ABCD3: variants seen among roughly 807,000 people sequenced by gnomAD.
ABCD3 encodes ATP binding cassette subfamily D member 3, also known as ATP-binding cassette sub-family D member 3.
Under a neutral mutation model 105.5 loss-of-function variants are expected in ABCD3, and 41 were observed. The observed-to-expected ratio is 0.39, with a 90% CI of 0.30 to 0.50. The LOEUF (loss-of-function observed/expected upper bound fraction) is 0.50, where lower values mean the gene tolerates loss of function less well. ABCD3 is among the 20% of genes least tolerant of loss of function. The pLI, the probability that ABCD3 is intolerant of heterozygous loss-of-function variation, is 0.84. For synonymous variants in ABCD3, 258 were observed against 269.0 expected (o/e 0.96, Z 0.40); for missense variants, 622 against 806.3 (o/e 0.77, Z 2.77).
At chr1:94,480,633 C>T in intron 9 of ABCD3, 27 bp downstream of exon 9, 1 of 1,612,346 alleles carries the variant, frequency 6.2e-7, no homozygotes, top group Non-Finnish European at 8.5e-7. Flanking sequence ...TAAAGCCTTG[C>T]TAAAAATTAA....
chr1:94,513,010 T>C (rs966789665), intron 21 of ABCD3, among the ~76,000 whole-genome samples: 3 of 152,076 alleles, frequency 2.0e-5, no homozygotes, highest in African/African-American at 7.2e-5. Context: ...TTTCAAGCCC[T>C]GCTAAATCAG....
intron 16 of ABCD3, among the ~76,000 whole-genome samples, chr1:94,496,900 T>C (rs1649842566): frequency 6.6e-6 from 1 of 151,776 alleles, no homozygotes; most frequent in South Asian, 2.1e-4. Flanking sequence ...CCTGAGTAGC[T>C]GGGATTACAG....
At chr1:94,488,198 A>T (rs577433204) in intron 13 of ABCD3, among the ~76,000 whole-genome samples, 3 of 152,244 alleles carry the variant, frequency 2.0e-5, no homozygotes, top group Admixed American at 6.5e-5. Flanking sequence ...AGAGGCTGTC[A>T]AGTTGTTTGC....
chr1:94,490,771 T>A (rs545363521), intron 15 of ABCD3, among the ~76,000 whole-genome samples: 1 of 152,244 alleles, frequency 6.6e-6, no homozygotes, highest in Non-Finnish European at 1.5e-5. Context: ...TTATTTCCTT[T>A]GGAAATGTTC....
intron 21 of ABCD3, among the ~76,000 whole-genome samples, chr1:94,513,264 A>C (rs1263631562): frequency 2.0e-5 from 3 of 152,082 alleles, no homozygotes; most frequent in Non-Finnish European, 4.4e-5. Flanking sequence ...TGTACATAAA[A>C]CCATGTAGTC....
At chr1:94,516,221 T>G (rs1650913624) in intron 22 of ABCD3, among the ~76,000 whole-genome samples, 1 of 151,966 alleles carries the variant, frequency 6.6e-6, no homozygotes, top group East Asian at 1.9e-4. Flanking sequence ...ATGAAGTTAT[T>G]GAGCCTTACC....
the ABCD3 span, among the ~76,000 whole-genome samples, chr1:94,402,839 C>G: frequency 6.6e-6 from 1 of 151,652 alleles, no homozygotes; most frequent in South Asian, 2.1e-4. Context: ...TTTTAGGGTA[C>G]ATGTGCACAT....
At chr1:94,490,642 C>T (rs946145604) in intron 15 of ABCD3, among the ~76,000 whole-genome samples, 12 of 151,898 alleles carry the variant, frequency 7.9e-5, no homozygotes, top group African/African-American at 2.9e-4. Context: ...ACACTGTACA[C>T]ACTATATTTT....
intron 10 of ABCD3, among the ~76,000 whole-genome samples, chr1:94,484,079 A>G (rs1034023965): frequency 6.6e-6 from 1 of 152,216 alleles, no homozygotes; most frequent in Non-Finnish European, 1.5e-5. Flanking sequence ...GCAAATCAAA[A>G]CCACAGTGAG....
chr1:94,517,220 G>GTT lies in ABCD3; in HGVS notation c.*98_*99dup. 2.2e-6 allele frequency: 2 copies of GTT among 905,800 alleles called. No individual in the cohort carries two copies. The highest frequency in any genetic ancestry group is 3.5e-6 in the Non-Finnish European group (2 of 576,356). The allele number at this position is 905,800 out of a possible 1,614,324, so 56.1% of individuals were successfully genotyped here. On this transcript the variant is annotated 3_prime_UTR_variant, in exon 23 of 23. Transcript: ENST00000370214. ...ACATTGTAAAATAAAGTTGAGCTTA[G>GTT]TTTTTTTTAAAAAAAAAAACAAAGC...
At chr1:94,456,898 G>A (rs1250047773) in intron 1 of ABCD3, among the ~76,000 whole-genome samples, 3 of 151,948 alleles carry the variant, frequency 2.0e-5, no homozygotes, top group Admixed American at 6.6e-5. Flanking sequence ...TTTTCTCCAC[G>A]TCCTTGCCAA....
At chr1:94,405,929 T>G in the ABCD3 span, among the ~76,000 whole-genome samples, 1 of 151,890 alleles carries the variant, frequency 6.6e-6, no homozygotes, top group Non-Finnish European at 1.5e-5. Context: ...GTTTAGAAAT[T>G]TTTAAAAATT....
At chr1:94,516,931 T>G in intron 22 of ABCD3, 121 bp from the exon 23 acceptor site, 1 of 767,742 alleles carries the variant, frequency 1.3e-6, no homozygotes, top group South Asian at 1.4e-5. Context: ...TTCTGATTTG[T>G]GGGATGCTTA....
the ABCD3 span, among the ~76,000 whole-genome samples, chr1:94,391,092 A>G: frequency 2.0e-5 from 3 of 152,204 alleles, no homozygotes; most frequent in Non-Finnish European, 4.4e-5. Flanking sequence ...TCCTTGCAGT[A>G]GTATTGCAAA....
At chr1:94,515,536 G>A (rs181472923) in intron 22 of ABCD3, among the ~76,000 whole-genome samples, 137 of 152,042 alleles carry the variant, frequency 9.0e-4, no homozygotes, top group African/African-American at 3.2e-3. Context: ...AGAAGAATTA[G>A]ATGGCAAAAA....
At chr1:94,440,949 A>G (rs771715898) in intron 1 of ABCD3, among the ~76,000 whole-genome samples, 4 of 152,244 alleles carry the variant, frequency 2.6e-5, no homozygotes, top group South Asian at 2.1e-4. Context: ...GCCATTGGAA[A>G]TGCGATAAAA....
At position 94,517,002 on chromosome 1, in the gene ABCD3, A is replaced by G. The variant is rs374970598; in HGVS notation, c.1903-50A>G. ...TATTTTACTTTTCATAAAAGACAGT[A>G]CTATATTCACTCTTAGTTACTGACT... On this transcript the variant is annotated intron_variant, in intron 22 of 22. Transcript: ENST00000370214. 76 of 1,212,306 alleles carry G rather than the reference A, an allele frequency of 6.3e-5. No individual in the cohort carries two copies. In the African/African-American group the frequency reaches 9.4e-4, roughly 15 times the overall value. The allele number at this position is 1,212,306 out of a possible 1,614,324, so 75.1% of individuals were successfully genotyped here.
In ABCD3 at chr1:94,464,778, G is replaced by C. The variant is rs763850381; in HGVS notation, c.151G>C (p.Glu51Gln). Reference sequence around the variant, plus strand: ...GGGCTTCTTTTTTTTAATGCAGAAAGAGGGGAAAAAGGAGCGAGCTGTGGT... The same window carrying C: ...GGGCTTCTTTTTTTTAATGCAGAAACAGGGGAAAAAGGAGCGAGCTGTGGT... The part of the protein sequence containing the change: ...GKPPLQNNEK[E>Q]GKKERAVVDK... The change falls in exon 3 of 23, where the codon GAG becomes CAG. Residue 51 changes from glutamate to glutamine, a missense_variant. Around this residue, in one of 4 missense-constraint regions of ABCD3, gnomAD observed 89 missense variants for 77.5 expected, o/e 1.15. Coordinates refer to ENST00000370214, the MANE Select transcript of ABCD3 (RefSeq NM_002858.4). 3 of 1,612,738 alleles carry C rather than the reference G, an allele frequency of 1.9e-6. No individual in the cohort carries two copies. The highest frequency in any genetic ancestry group is 2.5e-6 in the Non-Finnish European group (3 of 1,179,050).
chr1:94,486,581 A>T (rs1433267259), intron 10 of ABCD3, among the ~76,000 whole-genome samples: 1 of 152,216 alleles, frequency 6.6e-6, no homozygotes, highest in Non-Finnish European at 1.5e-5. Flanking sequence ...ATAAATAAAC[A>T]ACTAGATGTT....
Sources: gnomAD v4.1 joint callset for allele counts (sites outside exome capture counted in the v4.1 genomes callset) on GRCh38, gnomAD v4.1.1 for gene constraint, gnomAD v4.1.1 regional missense constraint, MANE v1.5 for transcripts, NCBI Gene and HGNC (gene_info 2026-07-23, HGNC 2026-07-21) for gene names.